The following CDK12 variants were observed in gnomAD, a reference collection of about 807,000 sequenced individuals.
CDK12 encodes the protein cyclin-dependent kinase 12.
In CDK12, 17 loss-of-function variants were observed where a neutral mutation model predicts 133.8. The ratio of observed to expected loss-of-function variants is 0.13; its 90% CI spans 0.09 to 0.19. CDK12 has a LOEUF of 0.19. Ranked by LOEUF, CDK12 falls within the 10% of genes least tolerant of loss-of-function variation. The probability of loss-of-function intolerance (pLI) is 1.00; values close to 1 mark genes in which losing one functional copy is unlikely to be tolerated. For missense variants in CDK12, 1,508 were observed against 1,818.7 expected (o/e 0.83, Z 3.11); for synonymous variants, 694 against 683.6 (o/e 1.02, Z -0.24).
chr17:39,565,105 TTTTG>T (rs529148031), downstream of CDK12, among the ~76,000 whole-genome samples: 3 of 152,130 alleles, frequency 2.0e-5, no homozygotes, highest in Non-Finnish European at 4.4e-5. Flanking sequence ...CTCATATTTC[TTTTG>T]TTTGTTTGTT....
rs1285571795 is a variant in CDK12 at position 39,526,306 on chromosome 17, G to A, written c.3750G>A (p.Glu1250=). ...GAAGAACTCCCACAATGCCACAGGA[G>A]GAGGCAGCAGGTAAACAGACCGGTC... The part of the protein sequence containing the change: ...GPRRTPTMPQ[E]EAAACPPHIL... The change falls in exon 13 of 14, where the codon GAG becomes GAA. Residue 1250 remains glutamate, a synonymous_variant. Transcript: ENST00000447079. 6.3e-7 allele frequency: 1 copy of A among 1,588,736 alleles called. No homozygotes were observed. Among genetic ancestry groups the A allele is most frequent in the South Asian group, 1.1e-5 (1 of 87,934 alleles).
intron 3 of CDK12, among the ~76,000 whole-genome samples, chr17:39,560,221 T>G (rs2056326058): frequency 6.6e-6 from 1 of 152,240 alleles, no homozygotes; most frequent in Admixed American, 6.5e-5. Context: ...TAGAAGGACA[T>G]CTGGACTAAT....
chr17:39,531,769 C>T lies in CDK12; in HGVS notation c.*453C>T, dbSNP rs550204799. 2 of 235,074 alleles carry T rather than the reference C, an allele frequency of 8.5e-6. No individual in the cohort carries two copies. The highest frequency in any genetic ancestry group is 1.1e-4 in the Admixed American group (2 of 17,800). The allele number at this position is 235,074 out of a possible 1,614,324, so 14.6% of individuals were successfully genotyped here. A position where few individuals can be genotyped will look rare whatever the true frequency, so the allele number is the denominator to read the frequency against. ...TAATTTAGGTGTTTTGGGTTTTTTT[C>T]CTTTAAAGAGAATAGTGTTCACAAA... On this transcript the variant is annotated 3_prime_UTR_variant, in exon 14 of 14. Coordinates refer to ENST00000447079, the MANE Select transcript of CDK12 (RefSeq NM_016507.4).
At chr17:39,493,050 T>G (rs1223704752) in intron 4 of CDK12, among the ~76,000 whole-genome samples, 160 bp downstream of exon 4, 1 of 152,086 alleles carries the variant, frequency 6.6e-6, no homozygotes, top group Admixed American at 6.6e-5. Flanking sequence ...TGGAGTGCAG[T>G]GGTGCAGTCT....
intron 10 of CDK12, 72 bp downstream of exon 10, chr17:39,517,628 G>A: frequency 1.1e-6 from 1 of 871,442 alleles, no homozygotes. Flanking sequence ...TTCCTGGTCT[G>A]GGTAGTTAAT....
At position 39,530,949 on chromosome 17, in the gene CDK12, C is replaced by A. The variant is rs748989479; in HGVS notation, c.4106C>A (p.Thr1369Asn). The A allele has an allele frequency of 1.2e-6, 2 of 1,614,218 alleles. No homozygotes were observed. The highest frequency in any genetic ancestry group is 1.7e-6 in the Non-Finnish European group (2 of 1,180,036). Residue 1369 changes from threonine (T) to asparagine (N), a missense_variant, in exon 14 of 14, where the codon ACC (threonine) becomes AAC (asparagine). Around this residue, in one of 9 missense-constraint regions of CDK12, gnomAD observed 399 missense variants for 469.6 expected, o/e 0.85. Transcript: ENST00000447079. ...GPALTESLVQ[T>N]LVKNRTFSGS... ...GCCTTGACAGAATCCTTGGTCCAGA[C>A]CCTGGTGAAGAACAGGACCTTCTCA...
intron 3 of CDK12, among the ~76,000 whole-genome samples, chr17:39,492,407 CT>C (rs1027901722): frequency 0.011 from 1,326 of 116,584 alleles, 19 homozygotes; most frequent in African/African-American, 0.037. Flanking sequence ...ATTTCATTTT[CT>C]TTTTTTTTTT....
intron 13 of CDK12, among the ~76,000 whole-genome samples, chr17:39,526,594 A>G (rs2054513031): frequency 6.6e-6 from 1 of 152,176 alleles, no homozygotes; most frequent in African/African-American, 2.4e-5. Context: ...GGAAACCACA[A>G]CCATAGCTAG....
At chr17:39,516,660 C>CTTTTT (rs900007701) in intron 9 of CDK12, among the ~76,000 whole-genome samples, 1 of 116,026 alleles carries the variant, frequency 8.6e-6, no homozygotes. Flanking sequence ...CTAATGCAGA[C>CTTTTT]TTTTTTTTTT....
At chr17:39,470,430 T>G (rs1489206390) in intron 1 of CDK12, among the ~76,000 whole-genome samples, 1 of 152,210 alleles carries the variant, frequency 6.6e-6, no homozygotes, top group Non-Finnish European at 1.5e-5. Context: ...CAGTTTAATC[T>G]ATTTTTTAAA....
chr17:39,525,829 C>T (rs1205650825), intron 12 of CDK12, 35 bp from the exon 13 acceptor site: 3 of 1,561,296 alleles, frequency 1.9e-6, no homozygotes, highest in East Asian at 2.3e-5. Context: ...TGGCCTATCT[C>T]ATCGTCTTAT....
chr17:39,518,622 G>A (rs375464149), intron 10 of CDK12, among the ~76,000 whole-genome samples: 16 of 151,722 alleles, frequency 1.1e-4, no homozygotes, highest in Admixed American at 4.6e-4. Context: ...GCAGTGACGC[G>A]ATCTTGGCTC....
chr17:39,496,402 TA>T (rs573681063), intron 5 of CDK12, among the ~76,000 whole-genome samples: 64 of 149,928 alleles, frequency 4.3e-4, no homozygotes, highest in Non-Finnish European at 7.9e-4. Flanking sequence ...ATTTTCAGTT[TA>T]AAAAAAAAAT....
At chr17:39,484,002 T>C (rs1376255716) in intron 2 of CDK12, among the ~76,000 whole-genome samples, 1 of 151,930 alleles carries the variant, frequency 6.6e-6, no homozygotes, top group Non-Finnish European at 1.5e-5. Context: ...GCTACCACAC[T>C]TGGCTAAGTT....
At chr17:39,498,923 CTT>C (rs2052375875) in intron 5 of CDK12, among the ~76,000 whole-genome samples, 1 of 266 alleles carries the variant, frequency 3.8e-3, no homozygotes, top group East Asian at 0.5. Flanking sequence ...TTCTTTCTTT[CTT>C]TCTTTCTTTC....
At chr17:39,536,999 T>C (rs2055162550), downstream of CDK12, among the ~76,000 whole-genome samples, 1 of 152,206 alleles carries the variant, frequency 6.6e-6, no homozygotes, top group South Asian at 2.1e-4. Context: ...ACAGATAGTA[T>C]TGACAGCTCT....
intron 2 of CDK12, among the ~76,000 whole-genome samples, chr17:39,481,629 G>A (rs1402923050): frequency 8.0e-5 from 2 of 25,026 alleles, no homozygotes; most frequent in Non-Finnish European, 2.2e-4. Flanking sequence ...TTGCTCGCTC[G>A]CGCGCTCTCT....
chr17:39,479,633 T>G (rs762731044), intron 2 of CDK12, among the ~76,000 whole-genome samples: 5 of 152,106 alleles, frequency 3.3e-5, no homozygotes, highest in Middle Eastern at 3.4e-3. Flanking sequence ...TTGTTTTTTG[T>G]TTTTTTCCCC....
intron 3 of CDK12, among the ~76,000 whole-genome samples, chr17:39,563,605 T>C (rs982732620): frequency 5.3e-5 from 8 of 151,880 alleles, no homozygotes; most frequent in Non-Finnish European, 1.0e-4. Flanking sequence ...GCCATCTCCT[T>C]GAGCTCTCTG....
Sources: allele counts gnomAD v4.1 joint callset (sites outside exome capture counted in the v4.1 genomes callset), GRCh38; gene constraint gnomAD v4.1.1; regional missense constraint gnomAD v4.1.1; transcripts MANE v1.5; gene names NCBI Gene and HGNC (gene_info 2026-07-23, HGNC 2026-07-21).